Variants in SLC25A30 observed in about 807,000 individuals in gnomAD.
SLC25A30 encodes kidney mitochondrial carrier protein 1.
In SLC25A30, 29 loss-of-function variants were observed where a neutral mutation model predicts 42.7. The observed-to-expected ratio is 0.68, with a 90% CI of 0.51 to 0.93. SLC25A30 has a LOEUF of 0.93. SLC25A30 is among the 40% of genes least tolerant of loss of function. The pLI is 0.00. For missense variants in SLC25A30, 300 were observed against 359.7 expected (o/e 0.83, Z 1.34); for synonymous variants, 124 against 131.0 (o/e 0.95, Z 0.37).
At chr13:45,423,532 A>G in the SLC25A30 span, among the ~76,000 whole-genome samples, 1 of 101,492 alleles carries the variant, frequency 9.9e-6, no homozygotes, top group Non-Finnish European at 2.0e-5. Context: ...ACAAATATAT[A>G]TACAAATATA....
At chr13:45,413,046 G>C (rs117461423) in intron 1 of SLC25A30, among the ~76,000 whole-genome samples, 4 of 152,284 alleles carry the variant, frequency 2.6e-5, no homozygotes, top group Non-Finnish European at 5.9e-5. Flanking sequence ...CCACTGCCCA[G>C]AATATCAGTT....
chr13:45,425,491 T>G, the SLC25A30 span, among the ~76,000 whole-genome samples: 1 of 112,608 alleles, frequency 8.9e-6, no homozygotes, highest in African/African-American at 3.5e-5. Flanking sequence ...TATAAATATA[T>G]ATAAGTATAT....
chr13:45,429,056 C>CTTTTTTT, the SLC25A30 span, among the ~76,000 whole-genome samples: 2 of 93,852 alleles, frequency 2.1e-5, no homozygotes, highest in East Asian at 3.5e-4. Flanking sequence ...TGTGCAAGCT[C>CTTTTTTT]TTTTTTTTTT....
chr13:45,422,025 C>T (rs1883902278), upstream of SLC25A30, among the ~76,000 whole-genome samples: 1 of 152,172 alleles, frequency 6.6e-6, no homozygotes, highest in Admixed American at 6.5e-5. Flanking sequence ...GCCCTCACTA[C>T]ACTCCCTTAG....
chr13:45,411,160 G>A (rs1201818641), intron 2 of SLC25A30, among the ~76,000 whole-genome samples: 2 of 151,550 alleles, frequency 1.3e-5, no homozygotes, highest in Non-Finnish European at 2.9e-5. Flanking sequence ...GGCTGGTGTC[G>A]AACTCCTGGA....
upstream of SLC25A30, among the ~76,000 whole-genome samples, chr13:45,423,337 T>A (rs559606788): frequency 1.3e-5 from 2 of 151,632 alleles, no homozygotes; most frequent in South Asian, 4.2e-4. Context: ...GAAACTCATG[T>A]GAAGTCTGGT....
the SLC25A30 span, among the ~76,000 whole-genome samples, chr13:45,426,329 C>G: frequency 6.6e-6 from 1 of 152,192 alleles, no homozygotes; most frequent in East Asian, 1.9e-4. Flanking sequence ...TCGTGATCCA[C>G]CCGCCCTGGC....
intron 1 of SLC25A30, among the ~76,000 whole-genome samples, chr13:45,417,658 C>T (rs1883649722): frequency 6.6e-6 from 1 of 152,224 alleles, no homozygotes; most frequent in South Asian, 2.1e-4. Flanking sequence ...TTTCAACTTT[C>T]TCACTACCCA....
intron 9 of SLC25A30, 114 bp from the exon 10 acceptor site, chr13:45,396,129 C>T: frequency 6.2e-7 from 1 of 1,602,508 alleles, no homozygotes; most frequent in Non-Finnish European, 8.5e-7. Flanking sequence ...CAGACCCACG[C>T]TATGGACACG....
chr13:45,414,835 GAA>G (rs10548487), intron 1 of SLC25A30, among the ~76,000 whole-genome samples: 47,297 of 152,058 alleles, frequency 0.31, 8,917 homozygotes, highest in Non-Finnish European at 0.43. Flanking sequence ...GAAGTCTCGT[GAA>G]ACACTTCCTT....
chr13:45,404,564 A>T (rs575113028), intron 4 of SLC25A30, 152 bp from the exon 5 acceptor site: 13 of 633,282 alleles, frequency 2.1e-5, no homozygotes, highest in African/African-American at 2.0e-4. Flanking sequence ...CACATCTGTA[A>T]TCCCAGCACT....
Position 45,394,248 on chromosome 13 carries a change from G to GCCCC in SLC25A30, c.*1722_*1725dup. 6 of 651,550 alleles carry GCCCC rather than the reference G, an allele frequency of 9.2e-6. No homozygotes were observed. Among genetic ancestry groups the GCCCC allele is most frequent in the Non-Finnish European group, 1.1e-5 (6 of 566,568 alleles). The allele number at this position is 651,550 out of a possible 1,614,324, so 40.4% of individuals were successfully genotyped here. ...AGGTAACCCTACCCCACTGCACCCCGCCCCCGCCCCCACCTTCTGTTATCC... is the reference window on the plus strand; with the variant it reads ...AGGTAACCCTACCCCACTGCACCCCGCCCCCCCCCGCCCCCACCTTCTGTTATCC... On this transcript the variant is annotated 3_prime_UTR_variant, in exon 10 of 10. Coordinates refer to ENST00000519676, the MANE Select transcript of SLC25A30 (RefSeq NM_001010875.4).
At chr13:45,425,609 C>CATATATAAATATATATATAAGT in the SLC25A30 span, among the ~76,000 whole-genome samples, 592 of 27,032 alleles carry the variant, frequency 0.022, 65 homozygotes, top group Non-Finnish European at 0.037. Context: ...TATATATATA[C>CATATATAAATATATATATAAGT]ATATATAAAT....
intron 1 of SLC25A30, among the ~76,000 whole-genome samples, chr13:45,416,338 G>T (rs1347438050): frequency 2.6e-5 from 4 of 151,956 alleles, no homozygotes; most frequent in Non-Finnish European, 5.9e-5. Context: ...AACCTGGGAA[G>T]CGGAGGTTGC....
At chr13:45,402,859 C>G in intron 5 of SLC25A30, 1 of 977,488 alleles carries the variant, frequency 1.0e-6, no homozygotes, top group Non-Finnish European at 1.2e-6. Flanking sequence ...GCGAGCTAGC[C>G]AAGTGACAGC....
At chr13:45,424,765 T>C in the SLC25A30 span, among the ~76,000 whole-genome samples, 1 of 54,876 alleles carries the variant, frequency 1.8e-5, no homozygotes, top group East Asian at 3.8e-4. Flanking sequence ...TATAAATATA[T>C]AAATATATAT....
chr13:45,424,620 T>TGTATAA, the SLC25A30 span, among the ~76,000 whole-genome samples: 1 of 61,326 alleles, frequency 1.6e-5, no homozygotes, highest in South Asian at 4.9e-4. Flanking sequence ...TATATATAAA[T>TGTATAA]ATATATAAAT....
chr13:45,423,968 C>CATATATAAATATATATAAAT, the SLC25A30 span, among the ~76,000 whole-genome samples: 28,054 of 77,062 alleles, frequency 0.36, 5,479 homozygotes, highest in Non-Finnish European at 0.44. Context: ...TATATATAAA[C>CATATATAAATATATATAAAT]ATATAACAAT....
intron 1 of SLC25A30, among the ~76,000 whole-genome samples, chr13:45,412,463 G>A (rs930851602): frequency 1.3e-5 from 2 of 152,050 alleles, no homozygotes; most frequent in African/African-American, 4.8e-5. Context: ...TACGTTACCA[G>A]CTGTGAGGCA....
Sources: allele counts gnomAD v4.1 joint callset (sites outside exome capture counted in the v4.1 genomes callset), GRCh38; gene constraint gnomAD v4.1.1; transcripts MANE v1.5; gene names NCBI Gene and HGNC (gene_info 2026-07-23, HGNC 2026-07-21).